The following SH3RF3 variants were observed in gnomAD, a reference collection of about 807,000 sequenced individuals.
SH3RF3 encodes the protein E3 ubiquitin-protein ligase SH3RF3.
In SH3RF3, 29 loss-of-function variants were observed where a neutral mutation model predicts 66.3. That is an observed-to-expected ratio of 0.44 (90% CI 0.33 to 0.60). The LOEUF is 0.60. SH3RF3 is among the 20% of genes least tolerant of loss of function. The pLI, the probability that SH3RF3 is intolerant of heterozygous loss-of-function variation, is 0.04. For synonymous variants in SH3RF3, 583 were observed against 532.0 expected (o/e 1.10, Z -1.32); for missense variants, 1,194 against 1,190.9 (o/e 1.00, Z -0.04).
At chr2:109,424,562 C>T (rs1259481222) in intron 5 of SH3RF3, among the ~76,000 whole-genome samples, 2 of 152,208 alleles carry the variant, frequency 1.3e-5, no homozygotes, top group African/African-American at 4.8e-5. Flanking sequence ...GTGCTCACTT[C>T]GAGTCTCTGT....
At chr2:109,170,106 C>T (rs1031408070) in intron 1 of SH3RF3, among the ~76,000 whole-genome samples, 53 of 152,198 alleles carry the variant, frequency 3.5e-4, no homozygotes, top group Non-Finnish European at 1.2e-4. Flanking sequence ...CTACAAGTTT[C>T]CTTAGGCTAT....
intron 1 of SH3RF3, among the ~76,000 whole-genome samples, chr2:109,286,548 G>T (rs1465668662): frequency 6.6e-6 from 1 of 152,180 alleles, no homozygotes; most frequent in Admixed American, 6.5e-5. Flanking sequence ...AGAGCCAGGG[G>T]TTTGCTCCAG....
At chr2:109,386,510 T>C (rs921916793) in intron 3 of SH3RF3, among the ~76,000 whole-genome samples, 1 of 152,224 alleles carries the variant, frequency 6.6e-6, no homozygotes, top group African/African-American at 2.4e-5. Flanking sequence ...ACAACTTTAT[T>C]TACAAAAACC....
intron 1 of SH3RF3, among the ~76,000 whole-genome samples, chr2:109,339,477 C>G (rs1293836909): frequency 6.6e-6 from 1 of 152,138 alleles, no homozygotes; most frequent in African/African-American, 2.4e-5. Context: ...CCCCATTGAC[C>G]TGAGGCCACC....
intron 1 of SH3RF3, among the ~76,000 whole-genome samples, chr2:109,210,096 G>A (rs1436693360): frequency 1.3e-5 from 2 of 152,168 alleles, no homozygotes; most frequent in Non-Finnish European, 2.9e-5. Context: ...TTAGCACAGG[G>A]TCCTCAGGAT....
At position 109,129,970 on chromosome 2, in the gene SH3RF3, A is replaced by G. The variant is rs1458233595; in HGVS notation, c.430A>G (p.Ser144Gly). ...SPPARPIPGQ[S>G]AAPTLAGGGG... is the part of the protein sequence containing the mutation. ...GCCCGCGCGTCCCATCCCAGGCCAG[A>G]GTGCGGCCCCCACGCTCGCGGGCGG... The change falls in exon 1 of 10, where the codon AGT becomes GGT. Residue 144 changes from serine (S) to glycine (G), a missense_variant. Ser to Gly is a moderately conservative substitution (Grantham distance 56). Coordinates refer to ENST00000309415, the MANE Select transcript of SH3RF3 (RefSeq NM_001099289.3). The G allele has an allele frequency of 1.5e-6, 2 of 1,331,764 alleles. No homozygotes were observed. Among genetic ancestry groups the G allele is most frequent in the African/African-American group, 3.1e-5 (2 of 64,956 alleles). The allele number at this position is 1,331,764 out of a possible 1,614,324, so 82.5% of individuals were successfully genotyped here. A position where few individuals can be genotyped will look rare whatever the true frequency, so the allele number is the denominator to read the frequency against.
intron 3 of SH3RF3, among the ~76,000 whole-genome samples, chr2:109,381,904 CAT>C (rs1376433046): frequency 1.3e-5 from 2 of 152,022 alleles, no homozygotes; most frequent in African/African-American, 4.8e-5. Context: ...AATGGGCAAA[CAT>C]GTACGTAACA....
intron 1 of SH3RF3, among the ~76,000 whole-genome samples, chr2:109,132,954 T>A (rs1385544211): frequency 6.6e-6 from 1 of 152,236 alleles, no homozygotes; most frequent in African/African-American, 2.4e-5. Context: ...TCCAATTTTG[T>A]TTTGAAAATT....
rs762289531 is a variant in SH3RF3 at position 109,129,643 on chromosome 2, G to A, written c.103G>A (p.Ala35Thr). The A allele has an allele frequency of 2.4e-4, 355 of 1,499,332 alleles. 2 individuals are homozygous for A. The highest frequency in any genetic ancestry group is 1.7e-3 in the Middle Eastern group (8 of 4,702). The allele number at this position is 1,499,332 out of a possible 1,614,324, so 92.9% of individuals were successfully genotyped here. A position where few individuals can be genotyped will look rare whatever the true frequency, so the allele number is the denominator to read the frequency against. The stretch of plus-strand genomic sequence containing the variant: ...GCCAGGCGAGCGACGGCGGCGTCGG[G>A]CGGCGGCCACCGCCGCGGGGGCGGG... ...DRPGERRRRRAAATAAGAGED... is the reference protein window; with the variant it reads ...DRPGERRRRRTAATAAGAGED... Residue 35 changes from alanine (A) to threonine (T), a missense_variant, in exon 1 of 10, where the codon GCG (alanine) becomes ACG (threonine). Physicochemically the swap from Ala to Thr is moderately conservative, Grantham distance 58. Coordinates refer to ENST00000309415, the MANE Select transcript of SH3RF3 (RefSeq NM_001099289.3).
chr2:109,170,742 C>T (rs1454091796), intron 1 of SH3RF3, among the ~76,000 whole-genome samples: 2 of 152,208 alleles, frequency 1.3e-5, no homozygotes, highest in Admixed American at 1.3e-4. Context: ...TGACCATGTG[C>T]CAGGCACTGG....
chr2:109,430,972 C>A (rs1020535862), intron 5 of SH3RF3, among the ~76,000 whole-genome samples: 1 of 152,152 alleles, frequency 6.6e-6, no homozygotes, highest in African/African-American at 2.4e-5. Context: ...GAGGGCCTTG[C>A]TATGTAGGAT....
intron 1 of SH3RF3, among the ~76,000 whole-genome samples, chr2:109,277,319 G>C (rs1366629931): frequency 2.0e-5 from 3 of 152,182 alleles, no homozygotes; most frequent in Non-Finnish European, 4.4e-5. Flanking sequence ...ATGATGGTTT[G>C]ATTGGATTTT....
intron 1 of SH3RF3, among the ~76,000 whole-genome samples, chr2:109,220,766 A>G (rs1454591035): frequency 1.3e-5 from 2 of 152,242 alleles, no homozygotes; most frequent in Non-Finnish European, 2.9e-5. Flanking sequence ...GTAGAAGATA[A>G]TAAGGGTTAG....
At chr2:109,147,718 G>T (rs111795500) in intron 1 of SH3RF3, among the ~76,000 whole-genome samples, 11 of 152,144 alleles carry the variant, frequency 7.2e-5, no homozygotes, top group African/African-American at 1.9e-4. Flanking sequence ...GGGCACTTTG[G>T]TTTTGTAATT....
At chr2:109,256,284 A>G (rs1680219481) in intron 1 of SH3RF3, among the ~76,000 whole-genome samples, 1 of 152,190 alleles carries the variant, frequency 6.6e-6, no homozygotes. Flanking sequence ...GGTTGAGCGT[A>G]TTACTGGGAG....
chr2:109,320,306 G>A (rs1397421280), intron 1 of SH3RF3, among the ~76,000 whole-genome samples: 2 of 152,198 alleles, frequency 1.3e-5, no homozygotes, highest in African/African-American at 4.8e-5. Flanking sequence ...ACAGCAGCCA[G>A]TGGCCACCTG....
At chr2:109,263,092 C>G (rs937985959) in intron 1 of SH3RF3, among the ~76,000 whole-genome samples, 43 of 152,150 alleles carry the variant, frequency 2.8e-4, no homozygotes, top group African/African-American at 1.0e-3. Context: ...GTAATTCACC[C>G]ACCTCGGCCT....
intron 1 of SH3RF3, among the ~76,000 whole-genome samples, chr2:109,174,860 T>C (rs1464494082): frequency 6.6e-6 from 1 of 152,206 alleles, no homozygotes; most frequent in Non-Finnish European, 1.5e-5. Flanking sequence ...AGGCAGTTTC[T>C]TTCTGCCCCT....
rs1413266331 is a variant in SH3RF3 at position 109,490,892 on chromosome 2, C to T, written c.2436C>T (p.Ser812=). ...CTCCTTCCCGGCAAGCTCCGCTGTC[C>T]ATGGCTGCCATCCGCCCCGAGCCCA... The part of the protein sequence containing the change: ...FTSPSRQAPL[S]MAAIRPEPKL... Residue 812 remains serine, a synonymous_variant, in exon 9 of 10, where the codon TCC becomes TCT. Coordinates refer to ENST00000309415, the MANE Select transcript of SH3RF3 (RefSeq NM_001099289.3). The T allele has an allele frequency of 6.6e-7, 1 of 1,526,318 alleles. No homozygotes were observed. Among genetic ancestry groups the T allele is most frequent in the East Asian group, 2.5e-5 (1 of 40,658 alleles). 94.5% of individuals were successfully genotyped at this position (1,526,318 alleles called of 1,614,324 possible).
Sources: allele counts gnomAD v4.1 joint callset (sites outside exome capture counted in the v4.1 genomes callset), GRCh38; gene constraint gnomAD v4.1.1; transcripts MANE v1.5; gene names NCBI Gene and HGNC (gene_info 2026-07-23, HGNC 2026-07-21).